SV2C: variants seen among roughly 807,000 people sequenced by gnomAD.
The protein encoded by SV2C is synaptic vesicle glycoprotein 2C.
SV2C carries 49 observed loss-of-function variants against 79.7 expected under a neutral mutation model. The ratio of observed to expected loss-of-function variants is 0.61; its 90% CI spans 0.49 to 0.78. The LOEUF is 0.78. Ranked by LOEUF, SV2C falls within the 30% of genes least tolerant of loss-of-function variation. The pLI, the probability that SV2C is intolerant of heterozygous loss-of-function variation, is 0.00. For missense variants in SV2C, 833 were observed against 912.9 expected (o/e 0.91, Z 1.13); for synonymous variants, 334 against 333.2 (o/e 1.00, Z -0.03).
At chr5:76,124,057 C>A (rs759395274) in intron 1 of SV2C, among the ~76,000 whole-genome samples, 2 of 152,134 alleles carry the variant, frequency 1.3e-5, no homozygotes, top group African/African-American at 2.4e-5. Flanking sequence ...TTGTTTATGA[C>A]TTCCTGGATT....
At chr5:76,233,730 G>A (rs1745515517) in intron 4 of SV2C, among the ~76,000 whole-genome samples, 1 of 150,882 alleles carries the variant, frequency 6.6e-6, no homozygotes, top group South Asian at 2.1e-4. Context: ...CTGTTTATAT[G>A]CTGGATTACA....
chr5:76,243,423 A>G (rs1745856479), intron 4 of SV2C, among the ~76,000 whole-genome samples: 1 of 152,138 alleles, frequency 6.6e-6, no homozygotes, highest in African/African-American at 2.4e-5. Flanking sequence ...AGCAGCTGGG[A>G]GCACAGAGGC....
the SV2C span, among the ~76,000 whole-genome samples, chr5:75,878,147 A>G: frequency 6.6e-6 from 1 of 152,140 alleles, no homozygotes; most frequent in Non-Finnish European, 1.5e-5. Flanking sequence ...AAGTGAGAAA[A>G]TGCTCACAAT....
the SV2C span, among the ~76,000 whole-genome samples, chr5:75,901,645 A>G: frequency 6.6e-6 from 1 of 152,242 alleles, no homozygotes; most frequent in African/African-American, 2.4e-5. Context: ...TTACGTCTGC[A>G]GAGGTTACTG....
At chr5:76,221,299 T>G (rs991611547) in intron 4 of SV2C, among the ~76,000 whole-genome samples, 1 of 152,172 alleles carries the variant, frequency 6.6e-6, no homozygotes, top group Non-Finnish European at 1.5e-5. Flanking sequence ...TACATGGCCT[T>G]TCAGCAAACT....
chr5:75,875,817 T>TA, the SV2C span, among the ~76,000 whole-genome samples: 2 of 151,480 alleles, frequency 1.3e-5, no homozygotes, highest in Admixed American at 6.6e-5. Flanking sequence ...CAAGCATATA[T>TA]AAAAAAAAGC....
rs574993010 is a variant in SV2C at position 76,294,611 on chromosome 5, T to C, written c.1338-1167T>C. On this transcript the variant is annotated intron_variant, in intron 8 of 12. Transcript: ENST00000502798. The stretch of plus-strand genomic sequence containing the variant: ...CACTGTCATTTCAACATATGATCAG[T>C]ATAAAAATTATTAGCAACAATTTTT... 1.1e-4 allele frequency among the ~76,000 whole-genome samples: 16 copies of C among 152,368 alleles called. No homozygotes were observed. In the East Asian group the frequency reaches 2.9e-3, roughly 28 times the overall value.
intron 4 of SV2C, among the ~76,000 whole-genome samples, chr5:76,217,888 A>G (rs1293051321): frequency 2.6e-5 from 4 of 152,238 alleles, no homozygotes; most frequent in Non-Finnish European, 5.9e-5. Context: ...TTCAAGGGGC[A>G]TGTACTATAT....
chr5:75,876,168 C>T, the SV2C span, among the ~76,000 whole-genome samples: 4 of 152,106 alleles, frequency 2.6e-5, no homozygotes, highest in Non-Finnish European at 4.4e-5. Flanking sequence ...TGGAATCAAC[C>T]TAAATGACCT....
the SV2C span, among the ~76,000 whole-genome samples, chr5:75,895,224 A>T: frequency 8.5e-4 from 130 of 152,256 alleles, no homozygotes; most frequent in African/African-American, 2.9e-3. Flanking sequence ...GTTATTTAAA[A>T]TGTCCAATTT....
intron 4 of SV2C, among the ~76,000 whole-genome samples, chr5:76,219,628 AG>A (rs1745009412): frequency 2.0e-5 from 3 of 152,152 alleles, no homozygotes; most frequent in South Asian, 2.1e-4. Flanking sequence ...TTTGTTTAGT[AG>A]GGGTAATATG....
the SV2C span, among the ~76,000 whole-genome samples, chr5:75,904,949 TC>T: frequency 6.6e-6 from 1 of 152,150 alleles, no homozygotes; most frequent in Non-Finnish European, 1.5e-5. Flanking sequence ...GAAATTCAAG[TC>T]CTATTTCTTA....
the SV2C span, among the ~76,000 whole-genome samples, chr5:75,882,671 T>C: frequency 6.6e-6 from 1 of 151,522 alleles, no homozygotes; most frequent in African/African-American, 2.4e-5. Context: ...ATTTAATAAA[T>C]GGTGCTGGGA....
intron 3 of SV2C, among the ~76,000 whole-genome samples, chr5:76,198,546 C>A (rs952190250): frequency 1.3e-5 from 2 of 152,180 alleles, no homozygotes. Flanking sequence ...ACTGCCCCAC[C>A]TCAGGTATTC....
the SV2C span, among the ~76,000 whole-genome samples, chr5:76,050,727 T>G: frequency 6.6e-6 from 1 of 152,202 alleles, no homozygotes. Context: ...TTCATTACAT[T>G]TTATCTGTGT....
At chr5:76,127,435 T>A (rs200517742) in intron 1 of SV2C, among the ~76,000 whole-genome samples, 1 of 152,246 alleles carries the variant, frequency 6.6e-6, no homozygotes, top group East Asian at 1.9e-4. Context: ...GTGCATGTCA[T>A]TGACTATATC....
At chr5:75,982,060 T>C in the SV2C span, among the ~76,000 whole-genome samples, 7 of 119,952 alleles carry the variant, frequency 5.8e-5, no homozygotes, top group Middle Eastern at 6.8e-3. Flanking sequence ...AAGGGGAATA[T>C]CACACTCTGG....
At chr5:75,967,070 A>T in the SV2C span, among the ~76,000 whole-genome samples, 3 of 152,190 alleles carry the variant, frequency 2.0e-5, no homozygotes. Context: ...ACAATTGCTC[A>T]TGCCTGTAAT....
the SV2C span, among the ~76,000 whole-genome samples, chr5:75,913,224 T>C: frequency 6.6e-6 from 1 of 152,172 alleles, no homozygotes; most frequent in Non-Finnish European, 1.5e-5. Flanking sequence ...AGGGTTAAAG[T>C]GGGTTTGGCC....
Sources: allele counts gnomAD v4.1 joint callset (sites outside exome capture counted in the v4.1 genomes callset), GRCh38; gene constraint gnomAD v4.1.1; transcripts MANE v1.5; gene names NCBI Gene and HGNC (gene_info 2026-07-23, HGNC 2026-07-21).